Variants in LUZP2 observed in about 807,000 individuals in gnomAD.
LUZP2 encodes leucine zipper protein 2.
Under a neutral mutation model 51.6 loss-of-function variants are expected in LUZP2, and 52 were observed. The observed-to-expected ratio is 1.01, with a 90% CI of 0.81 to 1.27. LUZP2 has a LOEUF of 1.27. Ranked by LOEUF, LUZP2 falls within the 50% of genes most tolerant of loss-of-function variation. The pLI is 0.00. For missense variants in LUZP2, 436 were observed against 395.4 expected, an observed-to-expected ratio of 1.10 and a Z score of -0.87; for synonymous variants, 154 against 137.3, an observed-to-expected ratio of 1.12 and a Z score of -0.85.
intron 1 of LUZP2, among the ~76,000 whole-genome samples, chr11:24,504,014 G>A (rs1453279177): frequency 3.3e-5 from 5 of 152,046 alleles, no homozygotes; most frequent in African/African-American, 9.7e-5. Context: ...TAAGATTCTA[G>A]GTCATTTTCA....
intron 1 of LUZP2, among the ~76,000 whole-genome samples, chr11:24,579,068 C>T (rs569839789): frequency 1.7e-3 from 265 of 151,904 alleles, no homozygotes; most frequent in African/African-American, 6.1e-3. Context: ...CCATAGAGTG[C>T]TTTATTAATG....
intron 1 of LUZP2, among the ~76,000 whole-genome samples, chr11:24,598,174 T>C (rs1253642843): frequency 6.6e-6 from 1 of 151,662 alleles, no homozygotes; most frequent in African/African-American, 2.4e-5. Context: ...AATTGTTGGA[T>C]TGTGCCCTGT....
At chr11:24,740,458 C>T (rs76691794) in intron 4 of LUZP2, among the ~76,000 whole-genome samples, 5,578 of 152,140 alleles carry the variant, frequency 0.037, 195 homozygotes, top group African/African-American at 0.09. Flanking sequence ...CTTTCTCTTT[C>T]CCCCCAAAAT....
chr11:24,998,305 G>C (rs1265456923), intron 9 of LUZP2, among the ~76,000 whole-genome samples: 2 of 152,120 alleles, frequency 1.3e-5, no homozygotes, highest in African/African-American at 4.8e-5. Context: ...TTGAGCAGTG[G>C]TTTGTAGTTC....
intron 10 of LUZP2, among the ~76,000 whole-genome samples, chr11:25,074,800 T>C (rs1305261498): frequency 1.3e-5 from 2 of 152,170 alleles, no homozygotes; most frequent in Non-Finnish European, 2.9e-5. Flanking sequence ...GGTGTGTTTT[T>C]TTAGCAGTCA....
chr11:24,698,079 G>C (rs563495420), intron 1 of LUZP2, among the ~76,000 whole-genome samples: 130 of 152,292 alleles, frequency 8.5e-4, no homozygotes, highest in Non-Finnish European at 1.3e-3. Flanking sequence ...GGCTAGGGAT[G>C]GAGGTGGATT....
chr11:24,919,442 A>G (rs1405299817), intron 7 of LUZP2, among the ~76,000 whole-genome samples: 2 of 116,616 alleles, frequency 1.7e-5, no homozygotes, highest in African/African-American at 6.7e-5. Context: ...GTTATATATT[A>G]TATATGACAT....
intron 5 of LUZP2, among the ~76,000 whole-genome samples, chr11:24,769,827 C>A (rs2134048681): frequency 6.7e-6 from 1 of 149,936 alleles, no homozygotes; most frequent in South Asian, 2.1e-4. Flanking sequence ...GAGTCTCGCT[C>A]TGTCACCCAG....
intron 9 of LUZP2, among the ~76,000 whole-genome samples, chr11:25,022,883 CT>C (rs544636028): frequency 1.2e-4 from 18 of 151,956 alleles, no homozygotes; most frequent in Non-Finnish European, 2.5e-4. Flanking sequence ...TGTTGAAGGC[CT>C]TTTCTGTGTC....
intron 1 of LUZP2, among the ~76,000 whole-genome samples, chr11:24,634,261 T>C (rs1854996568): frequency 6.6e-6 from 1 of 152,022 alleles, no homozygotes; most frequent in African/African-American, 2.4e-5. Flanking sequence ...ATTTTCAAAA[T>C]GTGGCACAGA....
chr11:24,725,453 G>A lies in LUZP2; in HGVS notation c.63-3716G>A, dbSNP rs146424625. On this transcript the variant is annotated intron_variant, in intron 1 of 11. Coordinates refer to ENST00000336930, the MANE Select transcript of LUZP2 (RefSeq NM_001009909.4). ...TTATATGTAGATACAAAAATCAATT[G>A]GGTAGTTTAGTAAAAATTAAAAATT... 1.9e-3 allele frequency among the ~76,000 whole-genome samples: 289 copies of A among 151,842 alleles called. 1 individual carries two copies. Among genetic ancestry groups the A allele is most frequent in the African/African-American group, 6.7e-3 (279 of 41,434 alleles).
chr11:24,751,462 T>C, intron 4 of LUZP2: 2 of 348,158 alleles, frequency 5.7e-6, no homozygotes, highest in Non-Finnish European at 8.1e-6. Flanking sequence ...TAGAAATCAA[T>C]GGCAACAGCT....
At chr11:25,001,962 C>G (rs534998890) in intron 9 of LUZP2, among the ~76,000 whole-genome samples, 1 of 152,160 alleles carries the variant, frequency 6.6e-6, no homozygotes, top group Non-Finnish European at 1.5e-5. Context: ...CAGTGTAAGA[C>G]TGCCACCTCC....
At chr11:24,924,748 A>G (rs1854175802) in intron 7 of LUZP2, among the ~76,000 whole-genome samples, 1 of 152,316 alleles carries the variant, frequency 6.6e-6, no homozygotes, top group East Asian at 1.9e-4. Context: ...CAGTTCAGAA[A>G]GGTGGAACAA....
intron 9 of LUZP2, among the ~76,000 whole-genome samples, chr11:25,029,510 G>T (rs761932287): frequency 6.6e-6 from 1 of 152,092 alleles, no homozygotes; most frequent in Non-Finnish European, 1.5e-5. Context: ...GGCAAGGCAG[G>T]CAGATTACTT....
At chr11:24,934,884 TA>T (rs1204730844) in intron 7 of LUZP2, among the ~76,000 whole-genome samples, 2 of 152,230 alleles carry the variant, frequency 1.3e-5, no homozygotes, top group Non-Finnish European at 2.9e-5. Flanking sequence ...AATGAGCTTT[TA>T]AATATTTAGC....
intron 5 of LUZP2, among the ~76,000 whole-genome samples, chr11:24,864,738 A>G (rs1326953558): frequency 2.0e-5 from 3 of 152,322 alleles, no homozygotes; most frequent in Non-Finnish European, 2.9e-5. Flanking sequence ...ATCCATGGCA[A>G]TGTGTTATGT....
chr11:24,717,383 C>T (rs1376345931), intron 1 of LUZP2, among the ~76,000 whole-genome samples: 1 of 150,366 alleles, frequency 6.7e-6, no homozygotes, highest in Non-Finnish European at 1.5e-5. Context: ...CAGATTATTT[C>T]ATTACCCAGG....
rs1259888708 is a variant in LUZP2 at position 24,926,235 on chromosome 11, ATG to A, written c.522+11705_522+11706del. On this transcript the variant is annotated intron_variant, in intron 7 of 11. Transcript: ENST00000336930. ...TATATATATATACGTGTATATATATATGTGTGTGTATATATATACGTGTGTGT... is the reference window on the plus strand; with the variant it reads ...TATATATATATACGTGTATATATATATGTGTGTATATATATACGTGTGTGT... Among the ~76,000 whole-genome samples the A allele has an allele frequency of 3.5e-4, 51 of 145,878 alleles. 1 individual carries two copies. The South Asian group carries it at 3.7e-3, about 11-fold the overall frequency.
Sources: allele counts gnomAD v4.1 joint callset (sites outside exome capture counted in the v4.1 genomes callset), GRCh38; gene constraint gnomAD v4.1.1; transcripts MANE v1.5; gene names NCBI Gene and HGNC (gene_info 2026-07-23, HGNC 2026-07-21).